Variants in INTS11 observed in about 807,000 individuals in gnomAD.
The protein encoded by INTS11 is integrator complex subunit 11.
A neutral mutation model predicts 78.6 loss-of-function variants in INTS11; 77 were observed. The observed-to-expected ratio is 0.98, with a 90% confidence interval of 0.81 to 1.18. INTS11 has a LOEUF of 1.18. INTS11 is among the 50% of genes most tolerant of loss of function. INTS11 has a pLI of 0.00. For missense variants in INTS11, 875 were observed against 825.9 expected (o/e 1.06, Z -0.73); for synonymous variants, 441 against 326.9 (o/e 1.35, Z -3.77).
intron 4 of INTS11, among the ~76,000 whole-genome samples, chr1:1,318,149 C>T (rs1044658891): frequency 3.3e-5 from 5 of 152,090 alleles, no homozygotes; most frequent in African/African-American, 4.8e-5. Context: ...GGATTACAGG[C>T]GTGAGCCACC....
At position 1,319,770 on chromosome 1, in the gene INTS11, A is replaced by G. The variant is rs1049203248; in HGVS notation, c.201-246T>C. The G allele has an allele frequency of 3.2e-4, 169 of 535,692 alleles. 1 individual carries two copies. The highest frequency in any genetic ancestry group is 7.0e-5 in the Non-Finnish European group (21 of 300,106). The allele number at this position is 535,692 out of a possible 1,614,324, so 33.2% of individuals were successfully genotyped here. The stretch of plus-strand genomic sequence containing the variant: ...GTGACGGCGACATGCTCGCGAGACA[A>G]TGCAAAGCTGCTGAGGGAACCGCGC... On this transcript the variant is annotated intron_variant, in intron 3 of 16. Transcript: ENST00000435064.
chr1:1,318,931 T>C (rs1366799480), intron 4 of INTS11: 2 of 716,622 alleles, frequency 2.8e-6, no homozygotes, highest in African/African-American at 1.7e-5. Flanking sequence ...CTCCAGCCCC[T>C]GCCTCCCTGC....
Position 1,324,610 on chromosome 1 carries a change from G to C in INTS11, c.-2C>G. On this transcript the variant is annotated 5_prime_UTR_variant, in exon 1 of 17. Transcript: ENST00000435064. The stretch of plus-strand genomic sequence containing the variant: ...GGGCGTGACTCTGATCTCAGGCATC[G>C]TCTCCGCCGCGCTCCCGGACCCGCG... 1.3e-6 allele frequency: 2 copies of C among 1,598,908 alleles called. No individual in the cohort carries two copies. Among genetic ancestry groups the C allele is most frequent in the South Asian group, 1.1e-5 (1 of 89,300 alleles).
chr1:1,324,146 GGGGGGCT>G (rs1643171159), intron 1 of INTS11, among the ~76,000 whole-genome samples: 1 of 111,058 alleles, frequency 9.0e-6, no homozygotes, highest in Admixed American at 8.7e-5. Flanking sequence ...CTGGGGGGCT[GGGGGGCT>G]GAGGGGCTGG....
chr1:1,313,306 G>T, intron 10 of INTS11, 182 bp from the exon 11 acceptor site: 1 of 885,974 alleles, frequency 1.1e-6, no homozygotes, highest in Non-Finnish European at 1.8e-6. Context: ...GGGCTGGGCT[G>T]GGGCTGTTCT....
intron 4 of INTS11, among the ~76,000 whole-genome samples, chr1:1,318,176 A>G (rs1314288744): frequency 1.3e-5 from 2 of 152,262 alleles, no homozygotes; most frequent in South Asian, 2.1e-4. Flanking sequence ...GGCCAAGGCA[A>G]ATAAAAATTG....
Position 1,320,507 on chromosome 1 carries a change from TAGG to T in INTS11, c.146_148del (p.Ser49del), listed in dbSNP as rs777963213. 8 of 1,613,724 alleles carry T rather than the reference TAGG, an allele frequency of 5.0e-6. No homozygotes were observed. Among genetic ancestry groups the T allele is most frequent in the African/African-American group, 1.3e-5 (1 of 74,920 alleles). On this transcript the variant is annotated inframe_deletion, in exon 3 of 17. Coordinates refer to ENST00000435064, the MANE Select transcript of INTS11 (RefSeq NM_017871.6). Reference sequence around the variant, plus strand: ...TGTTAGGCGGCCGTTCTGGGTGATGTAGGAGAAGTCAGGGAAGCGTCGCTAGGA... The same window carrying T: ...TGTTAGGCGGCCGTTCTGGGTGATGTAGAAGTCAGGGAAGCGTCGCTAGGA...
intron 4 of INTS11, among the ~76,000 whole-genome samples, chr1:1,318,329 G>A (rs1352249919): frequency 6.6e-6 from 1 of 152,182 alleles, no homozygotes; most frequent in Non-Finnish European, 1.5e-5. Context: ...GGTGTTACCA[G>A]GCATTAGAAA....
rs554646028 is a variant in INTS11, at chr1:1,311,907, G to C, written c.1755C>G (p.Ser585Arg). The change falls in exon 17 of 17, where the codon AGC (serine) becomes AGG (arginine). Residue 585 changes from serine (S) to arginine (R), a missense_variant. Coordinates refer to ENST00000435064, the MANE Select transcript of INTS11 (RefSeq NM_017871.6). The stretch of plus-strand genomic sequence containing the variant: ...CCTTCTTCAGCAGAGATGTGAGGAA[G>C]CTCCCCAGCTCCTCGTCCTAGGGCA... The part of the protein sequence containing the change: ...SWTYQDEELG[S>R]FLTSLLKKGL... 1.3e-6 allele frequency: 2 copies of C among 1,572,998 alleles called. No homozygotes were observed. Among genetic ancestry groups the C allele is most frequent in the African/African-American group, 2.7e-5 (2 of 73,366 alleles).
At chr1:1,315,859 G>A (rs1487364170) in intron 4 of INTS11, among the ~76,000 whole-genome samples, 3 of 147,298 alleles carry the variant, frequency 2.0e-5, no homozygotes, top group East Asian at 2.0e-4. Context: ...GGCGGGGAGC[G>A]AGGGCACTGC....
intron 1 of INTS11, among the ~76,000 whole-genome samples, chr1:1,323,540 A>T (rs532848313): frequency 6.6e-6 from 1 of 151,190 alleles, no homozygotes; most frequent in East Asian, 2.0e-4. Context: ...AAGTAGCTTG[A>T]ACCACAGGCA....
rs1479535934 is a variant in INTS11 at position 1,321,970 on chromosome 1, C to T, written c.29-877G>A. 3 of 1,392,424 alleles carry T rather than the reference C, an allele frequency of 2.2e-6. No homozygotes were observed. The African/African-American group carries it at 4.5e-5, about 21-fold the overall frequency. The allele number at this position is 1,392,424 out of a possible 1,614,324, so 86.3% of individuals were successfully genotyped here. On this transcript the variant is annotated intron_variant, in intron 1 of 16. Transcript: ENST00000435064. ...ACCACACATCAGGATGACGGGGCCACAGCCGAGGGGCTGCCTGCCACAGAG... is the reference window on the plus strand; with the variant it reads ...ACCACACATCAGGATGACGGGGCCATAGCCGAGGGGCTGCCTGCCACAGAG...
chr1:1,323,857 AGGCAGAAGCGG>A (rs887324587), intron 1 of INTS11, among the ~76,000 whole-genome samples: 1 of 74,432 alleles, frequency 1.3e-5, no homozygotes, highest in Non-Finnish European at 2.5e-5. Context: ...AGACGTGAGG[AGGCAGAAGCGG>A]GGCTGGGGGG....
In INTS11 at chr1:1,324,529, C is replaced by T; in HGVS notation, c.28+52G>A. On this transcript the variant is annotated intron_variant, in intron 1 of 16. Transcript: ENST00000435064. ...GAGGGAGCGGGGCGCCCAGCCCGCCCGGAGCCGCATACGGAGCCCACCCCA... is the reference window on the plus strand; with the variant it reads ...GAGGGAGCGGGGCGCCCAGCCCGCCTGGAGCCGCATACGGAGCCCACCCCA... 9 of 1,558,540 alleles carry T rather than the reference C, an allele frequency of 5.8e-6. No individual in the cohort carries two copies. In the South Asian group the frequency reaches 8.0e-5, roughly 14 times the overall value.
chr1:1,312,205 G>GGGGGT, intron 15 of INTS11, 21 bp downstream of exon 15: 5 of 1,180,160 alleles, frequency 4.2e-6, no homozygotes, highest in Non-Finnish European at 5.9e-6. Flanking sequence ...GAGTGGGGGG[G>GGGGGT]GGGCGGGGCC....
At chr1:1,315,462 TGAG>T (rs1557636167) in intron 5 of INTS11, 24 bp from the exon 6 acceptor site, 3 of 1,612,702 alleles carry the variant, frequency 1.9e-6, no homozygotes, top group Middle Eastern at 1.7e-4. Context: ...AAGGATGCCA[TGAG>T]GAGGGTGCCT....
rs773703895 is a variant in INTS11 at position 1,312,234 on chromosome 1, G to A, written c.1599C>T (p.His533=). 4 of 1,510,814 alleles carry A rather than the reference G, an allele frequency of 2.6e-6. No individual in the cohort carries two copies. The highest frequency in any genetic ancestry group is 2.4e-5 in the South Asian group (2 of 83,544). The allele number at this position is 1,510,814 out of a possible 1,614,324, so 93.6% of individuals were successfully genotyped here. ...CGGGGCCGGGCGCCCACCTCTTGAGGTGGCTGTAGACGCGCAATGCCGTCT... is the reference window on the plus strand; with the variant it reads ...CGGGGCCGGGCGCCCACCTCTTGAGATGGCTGTAGACGCGCAATGCCGTCT... ...EQETALRVYS[H]LKSVLKDHCV... The change falls in exon 15 of 17, where the codon CAC becomes CAT. Residue 533 remains histidine (H), a synonymous_variant. Transcript: ENST00000435064.
rs1642434038 is a variant in INTS11 at position 1,314,241 on chromosome 1, A to G, written c.767+60T>C. 6.8e-7 allele frequency: 1 copy of G among 1,465,918 alleles called. No homozygotes were observed. The highest frequency in any genetic ancestry group is 9.4e-7 in the Non-Finnish European group (1 of 1,069,212). 90.8% of individuals were successfully genotyped at this position (1,465,918 alleles called of 1,614,324 possible). A position where few individuals can be genotyped will look rare whatever the true frequency, so the allele number is the denominator to read the frequency against. On this transcript the variant is annotated intron_variant, in intron 8 of 16. Transcript: ENST00000435064. This position sits in a 1 kb window ranked among gnomAD's most constrained non-coding sequence, Gnocchi z 4.2. ...CTACGCTGGACAGGGCTGCCCACCA[A>G]CTGGACTGTGTTCAGGCCGGGCCAG...
chr1:1,320,977 T>G lies in INTS11; in HGVS notation c.126+19A>C, dbSNP rs769273278. 1 of 1,606,878 alleles carries G rather than the reference T, an allele frequency of 6.2e-7. No individual in the cohort carries two copies. Among genetic ancestry groups the G allele is most frequent in the East Asian group, 2.2e-5 (1 of 44,824 alleles). On this transcript the variant is annotated intron_variant, in intron 2 of 16. Coordinates refer to ENST00000435064, the MANE Select transcript of INTS11 (RefSeq NM_017871.6). ...GGCCGGCTCTCCCAGCCTCTGGGCC[T>G]CCTGCCCAAGGGACTCACGTCGTCA...
Sources: allele counts gnomAD v4.1 joint callset (sites outside exome capture counted in the v4.1 genomes callset), GRCh38; gene constraint gnomAD v4.1.1; non-coding constraint Gnocchi (gnomAD v3.1); transcripts MANE v1.5; gene names NCBI Gene and HGNC (gene_info 2026-07-23, HGNC 2026-07-21).